Variants in OR3A2 observed in about 807,000 individuals in gnomAD.
OR3A2 encodes olfactory receptor 3A2.
For missense variants in OR3A2, 318 were observed against 392.8 expected (o/e 0.81, Z 1.61); for synonymous variants, 126 against 159.3 (o/e 0.79, Z 1.57).
intron 2 of OR3A2, among the ~76,000 whole-genome samples, chr17:3,350,554 C>A (rs912135331): frequency 1.5e-4 from 23 of 151,362 alleles, no homozygotes; most frequent in Non-Finnish European, 3.1e-4. Context: ...GCTTACCAAC[C>A]AAAAAGAGTC....
chr17:3,386,265 C>T lies in OR3A2; in HGVS notation c.-415G>A, dbSNP rs918372803. Reference sequence around the variant, plus strand: ...TCGTGGCTCTGGGCATCACCGAGAGCTACCTCCTGGCGGCCATGTCCTACG... The same window carrying T: ...TCGTGGCTCTGGGCATCACCGAGAGTTACCTCCTGGCGGCCATGTCCTACG... On this transcript the variant is annotated 5_prime_UTR_variant, in exon 1 of 5. An upstream open reading frame in the 5' UTR loses its in-frame stop. Transcript: ENST00000573491. 3 of 398,788 alleles carry T rather than the reference C, an allele frequency of 7.5e-6. No individual in the cohort carries two copies. The highest frequency in any genetic ancestry group is 8.8e-6 in the Non-Finnish European group (2 of 226,206). The allele number at this position is 398,788 out of a possible 1,614,324, so 24.7% of individuals were successfully genotyped here. A position where few individuals can be genotyped will look rare whatever the true frequency, so the allele number is the denominator to read the frequency against.
At chr17:3,343,228 C>T (rs549359988) in intron 2 of OR3A2, among the ~76,000 whole-genome samples, 1 of 152,270 alleles carries the variant, frequency 6.6e-6, no homozygotes, top group Admixed American at 6.5e-5. Context: ...GAGGCGATGC[C>T]CTGCCCTGCT....
intron 2 of OR3A2, among the ~76,000 whole-genome samples, chr17:3,361,276 C>T (rs2150659342): frequency 6.6e-6 from 1 of 151,296 alleles, no homozygotes; most frequent in Admixed American, 6.6e-5. Context: ...TATCCTGAGA[C>T]TTTGCTGAAG....
At chr17:3,283,774 T>C (rs976410686) in intron 1 of OR3A2, among the ~76,000 whole-genome samples, 1 of 151,548 alleles carries the variant, frequency 6.6e-6, no homozygotes, top group African/African-American at 2.4e-5. Context: ...AATACGGCCC[T>C]TAGGAGGGGC....
intron 2 of OR3A2, among the ~76,000 whole-genome samples, chr17:3,370,614 T>C (rs1175253199): frequency 6.7e-6 from 1 of 148,156 alleles, no homozygotes; most frequent in Non-Finnish European, 1.5e-5. Context: ...TGAACTTAGA[T>C]TGTCTATTTG....
intron 3 of OR3A2, among the ~76,000 whole-genome samples, chr17:3,325,752 A>G (rs1240772981): frequency 2.0e-5 from 3 of 152,128 alleles, no homozygotes; most frequent in Non-Finnish European, 4.4e-5. Context: ...TAAGATATAC[A>G]TGTAAAATTT....
intron 3 of OR3A2, among the ~76,000 whole-genome samples, chr17:3,312,213 TTTTAA>T (rs1331159095): frequency 6.6e-6 from 1 of 152,210 alleles, no homozygotes; most frequent in Non-Finnish European, 1.5e-5. Context: ...TTTTGTATTT[TTTTAA>T]TTTAATGATT....
At chr17:3,370,382 G>T (rs1032671381) in intron 2 of OR3A2, among the ~76,000 whole-genome samples, 1 of 152,088 alleles carries the variant, frequency 6.6e-6, no homozygotes, top group African/African-American at 2.4e-5. Flanking sequence ...CTCCCATTTT[G>T]TTTCTAAGTG....
At chr17:3,336,473 T>A (rs2049275165) in intron 2 of OR3A2, among the ~76,000 whole-genome samples, 1 of 152,162 alleles carries the variant, frequency 6.6e-6, no homozygotes, top group African/African-American at 2.4e-5. Context: ...GTGTAACTAA[T>A]GATAGATACA....
intron 2 of OR3A2, among the ~76,000 whole-genome samples, chr17:3,358,029 A>G (rs987759761): frequency 6.6e-6 from 1 of 151,682 alleles, no homozygotes; most frequent in Non-Finnish European, 1.5e-5. Flanking sequence ...TTTTCCTAGA[A>G]GCATTTTCTG....
intron 1 of OR3A2, chr17:3,279,121 C>T (rs901956199): frequency 4.9e-6 from 4 of 809,556 alleles, no homozygotes; most frequent in Admixed American, 3.0e-5. Flanking sequence ...CCTTGTCCTC[C>T]TCATCCTCTG....
chr17:3,308,471 A>G (rs2049014866), intron 3 of OR3A2, among the ~76,000 whole-genome samples: 1 of 152,078 alleles, frequency 6.6e-6, no homozygotes, highest in Non-Finnish European at 1.5e-5. Flanking sequence ...GGGCTCTGAA[A>G]CAGCTTCTCA....
intron 2 of OR3A2, among the ~76,000 whole-genome samples, chr17:3,371,768 C>T (rs1366492650): frequency 4.5e-5 from 6 of 133,692 alleles, no homozygotes; most frequent in Admixed American, 7.2e-5. Flanking sequence ...CCAGTAGGGG[C>T]GGCCGGGCAG....
intron 2 of OR3A2, among the ~76,000 whole-genome samples, chr17:3,376,367 T>C (rs1158751634): frequency 2.0e-5 from 3 of 152,160 alleles, no homozygotes; most frequent in Admixed American, 6.5e-5. Flanking sequence ...TTATGTCTTT[T>C]GTCTTTGGCT....
intron 3 of OR3A2, among the ~76,000 whole-genome samples, chr17:3,306,091 T>C (rs2048997970): frequency 6.6e-6 from 1 of 152,212 alleles, no homozygotes; most frequent in Non-Finnish European, 1.5e-5. Flanking sequence ...AGCAGCTCAG[T>C]GGAAGAACAA....
chr17:3,292,059 T>A, intron 3 of OR3A2: 1 of 1,614,084 alleles, frequency 6.2e-7, no homozygotes, highest in Middle Eastern at 1.6e-4. Context: ...ATTGATCACA[T>A]TGGGGCCACA....
At chr17:3,314,783 G>C (rs9913199) in intron 3 of OR3A2, among the ~76,000 whole-genome samples, 23,039 of 152,102 alleles carry the variant, frequency 0.15, 2,327 homozygotes, top group African/African-American at 0.28. Flanking sequence ...TTGGAGTCCA[G>C]ATTCCATCAC....
At chr17:3,369,156 T>C (rs1340539114) in intron 2 of OR3A2, among the ~76,000 whole-genome samples, 5 of 152,216 alleles carry the variant, frequency 3.3e-5, no homozygotes, top group Admixed American at 1.3e-4. Flanking sequence ...TAGGGTTTTC[T>C]AGTTATACAA....
chr17:3,303,414 T>C (rs1219304306), intron 3 of OR3A2, among the ~76,000 whole-genome samples: 1 of 152,136 alleles, frequency 6.6e-6, no homozygotes, highest in Non-Finnish European at 1.5e-5. Context: ...TCAGCATATA[T>C]AGCTGTTCTG....
Sources: allele counts gnomAD v4.1 joint callset (sites outside exome capture counted in the v4.1 genomes callset), GRCh38; gene constraint gnomAD v4.1.1; transcripts MANE v1.5; gene names NCBI Gene and HGNC (gene_info 2026-07-23, HGNC 2026-07-21).